The following OPCML variants were observed in gnomAD, a reference collection of about 807,000 sequenced individuals.
OPCML encodes the protein opioid binding protein/cell adhesion molecule like.
OPCML carries 13 observed loss-of-function variants against 37.8 expected under a neutral mutation model. The ratio of observed to expected loss-of-function variants is 0.34; its 90% confidence interval spans 0.22 to 0.55. OPCML has a LOEUF of 0.55. Ranked by LOEUF, OPCML falls within the 20% of genes least tolerant of loss-of-function variation. The pLI is 0.91. For synonymous variants in OPCML, 176 were observed against 168.8 expected (o/e 1.04, Z -0.33); for missense variants, 341 against 435.6 (o/e 0.78, Z 1.93).
chr11:133,051,952 T>C (rs1329147171), intron 1 of OPCML, among the ~76,000 whole-genome samples: 1 of 152,082 alleles, frequency 6.6e-6, no homozygotes, highest in Non-Finnish European at 1.5e-5. Flanking sequence ...CCTTACAGAG[T>C]CAGCGGGGAG....
chr11:132,684,142 A>G (rs570856442), intron 2 of OPCML, among the ~76,000 whole-genome samples: 14 of 152,232 alleles, frequency 9.2e-5, no homozygotes, highest in Non-Finnish European at 1.6e-4. Context: ...GATTAAAACT[A>G]AAGAACTTGA....
intron 2 of OPCML, among the ~76,000 whole-genome samples, chr11:132,689,210 T>C (rs1943304294): frequency 6.6e-6 from 1 of 152,210 alleles, no homozygotes; most frequent in South Asian, 2.1e-4. Flanking sequence ...GTCATCTAAA[T>C]TGTGAAGGGC....
rs368346750 is a variant in OPCML, at chr11:133,321,130, C to T, written c.61+211134G>A. 9.9e-5 allele frequency among the ~76,000 whole-genome samples: 15 copies of T among 151,976 alleles called. No homozygotes were observed. In the East Asian group the frequency reaches 1.2e-3, roughly 12 times the overall value. The stretch of plus-strand genomic sequence containing the variant: ...AAGGTGGGGGGACAATAAAACATGC[C>T]GTATTTGGTAGAAATTAAGATAAGG... On this transcript the variant is annotated intron_variant, in intron 1 of 7. Transcript: ENST00000524381.
chr11:132,748,480 C>T (rs1472604149), intron 2 of OPCML, among the ~76,000 whole-genome samples: 1 of 152,088 alleles, frequency 6.6e-6, no homozygotes, highest in African/African-American at 2.4e-5. Context: ...CAAATAGAAC[C>T]ACGTTGATGT....
chr11:132,591,399 A>G (rs999699888), intron 3 of OPCML, among the ~76,000 whole-genome samples: 5 of 152,174 alleles, frequency 3.3e-5, no homozygotes, highest in African/African-American at 1.2e-4. Flanking sequence ...CTGCTTCATT[A>G]CTTGTAGAGT....
intron 1 of OPCML, among the ~76,000 whole-genome samples, chr11:133,253,771 ATTGTTAAAGGTTAGCATAAAG>A (rs1415436490): frequency 6.6e-6 from 1 of 150,944 alleles, no homozygotes; most frequent in East Asian, 2.0e-4. Context: ...GCAGGGAAGC[ATTGTTAAAGGTTAGCATAAAG>A]TTTCTTTTTT....
chr11:132,817,748 A>ACTCC (rs1056977088), intron 2 of OPCML, among the ~76,000 whole-genome samples: 2 of 151,978 alleles, frequency 1.3e-5, no homozygotes, highest in African/African-American at 2.4e-5. Flanking sequence ...GTGCCTTGTA[A>ACTCC]CTGCCCCCCT....
intron 2 of OPCML, among the ~76,000 whole-genome samples, chr11:132,750,156 T>C (rs1262045293): frequency 6.6e-6 from 1 of 152,184 alleles, no homozygotes; most frequent in Non-Finnish European, 1.5e-5. Flanking sequence ...CCATTGAATG[T>C]ATTATGGTAG....
At chr11:132,795,859 C>T (rs935986937) in intron 2 of OPCML, among the ~76,000 whole-genome samples, 2 of 152,232 alleles carry the variant, frequency 1.3e-5, no homozygotes, top group Admixed American at 6.5e-5. Flanking sequence ...AAGTTGTAAG[C>T]TTGTGCTTAT....
chr11:133,042,555 G>C (rs950357408), intron 1 of OPCML, among the ~76,000 whole-genome samples: 11 of 152,104 alleles, frequency 7.2e-5, no homozygotes, highest in African/African-American at 2.4e-4. Context: ...AGGCTAGTTG[G>C]GGGGACTCTA....
rs567075646 is a variant in OPCML at position 133,316,818 on chromosome 11, G to A, written c.61+215446C>T. ...GCATTAAAGAAATTATGACTTCATCGCTAAGCCCCACGTAAATATATTTTC... is the reference window on the plus strand; with the variant it reads ...GCATTAAAGAAATTATGACTTCATCACTAAGCCCCACGTAAATATATTTTC... On this transcript the variant is annotated intron_variant, in intron 1 of 7. Transcript: ENST00000524381. Among the ~76,000 whole-genome samples, 9 of 152,234 alleles carry A rather than the reference G, an allele frequency of 5.9e-5. No homozygotes were observed. The South Asian group carries it at 1.2e-3, about 21-fold the overall frequency.
chr11:132,450,623 A>C (rs571115360), intron 4 of OPCML, among the ~76,000 whole-genome samples: 1 of 152,202 alleles, frequency 6.6e-6, no homozygotes, highest in South Asian at 2.1e-4. Flanking sequence ...CCTGAGAGTA[A>C]GTCACGAAAT....
chr11:132,706,094 C>A (rs1410074695), intron 2 of OPCML, among the ~76,000 whole-genome samples: 2 of 152,140 alleles, frequency 1.3e-5, no homozygotes, highest in African/African-American at 4.8e-5. Context: ...GCATGAGCTA[C>A]CGTGACCAGC....
intron 1 of OPCML, among the ~76,000 whole-genome samples, chr11:133,089,137 G>C (rs1364496382): frequency 6.6e-6 from 1 of 152,182 alleles, no homozygotes; most frequent in African/African-American, 2.4e-5. Context: ...AGCTGATCTT[G>C]AGCCAGTCTT....
intron 1 of OPCML, among the ~76,000 whole-genome samples, chr11:133,036,372 C>A (rs7130594): frequency 3.0e-4 from 45 of 152,354 alleles, no homozygotes; most frequent in African/African-American, 1.1e-3. Context: ...ATAAAAGATT[C>A]TCCACGGTCT....
intron 2 of OPCML, among the ~76,000 whole-genome samples, chr11:132,768,393 C>T (rs1033556543): frequency 2.0e-5 from 3 of 152,160 alleles, no homozygotes; most frequent in African/African-American, 7.2e-5. Context: ...TTTAACTCCT[C>T]CCCCTGCCTC....
chr11:132,759,158 T>A (rs1336518320), intron 2 of OPCML, among the ~76,000 whole-genome samples: 1 of 152,186 alleles, frequency 6.6e-6, no homozygotes, highest in Admixed American at 6.5e-5. Context: ...ACCGACTTGA[T>A]CATGGTGGGT....
At chr11:133,428,050 T>G (rs12421130) in intron 1 of OPCML, among the ~76,000 whole-genome samples, 5 of 152,064 alleles carry the variant, frequency 3.3e-5, no homozygotes, top group African/African-American at 1.2e-4. Flanking sequence ...CGAACATAGA[T>G]GCAAAATCCT....
At chr11:132,976,967 C>T (rs1032813152) in intron 1 of OPCML, among the ~76,000 whole-genome samples, 19 of 152,096 alleles carry the variant, frequency 1.2e-4, no homozygotes, top group Admixed American at 6.5e-4. Flanking sequence ...ACAATGTTAA[C>T]GCATAGCAGA....
Sources: gnomAD v4.1 joint callset for allele counts (sites outside exome capture counted in the v4.1 genomes callset) on GRCh38, gnomAD v4.1.1 for gene constraint, MANE v1.5 for transcripts, NCBI Gene and HGNC (gene_info 2026-07-23, HGNC 2026-07-21) for gene names.